ARPP21: variants seen among roughly 807,000 people sequenced by gnomAD.
The protein encoded by ARPP21 is cAMP-regulated phosphoprotein 21.
In ARPP21, 69 loss-of-function variants were observed where a neutral mutation model predicts 113.2. The ratio of observed to expected loss-of-function variants is 0.61; its 90% CI spans 0.50 to 0.74. The LOEUF (loss-of-function observed/expected upper bound fraction) is 0.74. Ranked by LOEUF, ARPP21 falls within the 30% of genes least tolerant of loss-of-function variation. The pLI is 0.00. For missense variants in ARPP21, 1,070 were observed against 1,037.4 expected (o/e 1.03, Z -0.43); for synonymous variants, 368 against 375.5 (o/e 0.98, Z 0.23).
intron 11 of ARPP21, among the ~76,000 whole-genome samples, chr3:35,711,135 T>C (rs369873206): frequency 1.1e-4 from 17 of 152,316 alleles, no homozygotes; most frequent in East Asian, 9.7e-4. Flanking sequence ...GCCTCCCTAG[T>C]GGCCAGCTCT....
intron 1 of ARPP21, among the ~76,000 whole-genome samples, chr3:35,665,979 G>A (rs1188914266): frequency 1.3e-5 from 2 of 152,044 alleles, no homozygotes; most frequent in African/African-American, 2.4e-5. Flanking sequence ...ACTGTATGAT[G>A]GCTCAACTGG....
At chr3:35,709,241 A>T (rs1378235771) in intron 11 of ARPP21, among the ~76,000 whole-genome samples, 171 bp downstream of exon 11, 1 of 152,202 alleles carries the variant, frequency 6.6e-6, no homozygotes, top group Non-Finnish European at 1.5e-5. Context: ...CAGGGAAGTG[A>T]TAGAAACCTA....
intron 9 of ARPP21, among the ~76,000 whole-genome samples, chr3:35,694,438 C>A (rs1327983672): frequency 1.3e-5 from 2 of 151,208 alleles, no homozygotes; most frequent in African/African-American, 4.8e-5. Context: ...TAATAATATA[C>A]ATTTTCATGA....
At chr3:35,695,848 G>A (rs768248812) in intron 9 of ARPP21, among the ~76,000 whole-genome samples, 3 of 151,450 alleles carry the variant, frequency 2.0e-5, no homozygotes, top group African/African-American at 7.3e-5. Flanking sequence ...CTAATGAAAA[G>A]GATTTTTTAA....
At chr3:35,767,396 A>G (rs1009932404) in intron 19 of ARPP21, among the ~76,000 whole-genome samples, 3 of 152,178 alleles carry the variant, frequency 2.0e-5, no homozygotes, top group African/African-American at 7.2e-5. Context: ...TCTCTTCACC[A>G]TGATGGACAA....
intron 20 of ARPP21, among the ~76,000 whole-genome samples, 178 bp from the exon 21 acceptor site, chr3:35,793,523 G>T (rs1405127215): frequency 1.3e-5 from 2 of 152,174 alleles, no homozygotes; most frequent in Non-Finnish European, 2.9e-5. Context: ...ATGGACTAGG[G>T]AATTAGAGAG....
chr3:35,722,648 G>A (rs2093203532), intron 14 of ARPP21, among the ~76,000 whole-genome samples: 1 of 152,128 alleles, frequency 6.6e-6, no homozygotes, highest in South Asian at 2.1e-4. Context: ...AGCAAATAAC[G>A]ATATTCTGAG....
intron 19 of ARPP21, among the ~76,000 whole-genome samples, chr3:35,777,905 G>A (rs549821024): frequency 1.8e-4 from 27 of 152,164 alleles, no homozygotes; most frequent in Admixed American, 1.2e-3. Flanking sequence ...CCCTACAAAC[G>A]TTGCCATTTC....
At chr3:35,712,692 G>A (rs2091534144) in intron 11 of ARPP21, among the ~76,000 whole-genome samples, 1 of 151,952 alleles carries the variant, frequency 6.6e-6, no homozygotes, top group South Asian at 2.1e-4. Flanking sequence ...GAGATTTTGA[G>A]ATAAGACAAA....
intron 19 of ARPP21, chr3:35,792,136 T>G: frequency 2.6e-6 from 1 of 388,714 alleles, no homozygotes; most frequent in Non-Finnish European, 4.6e-6. Flanking sequence ...CATTGTCACA[T>G]GTATTCAATA....
chr3:35,657,175 C>T (rs207463107), intron 1 of ARPP21, among the ~76,000 whole-genome samples: 7 of 152,046 alleles, frequency 4.6e-5, no homozygotes, highest in African/African-American at 1.7e-4. Flanking sequence ...GTTTATTCCT[C>T]TCATTTAGAC....
At chr3:35,696,898 T>C (rs1289152728) in intron 9 of ARPP21, among the ~76,000 whole-genome samples, 2 of 151,614 alleles carry the variant, frequency 1.3e-5, no homozygotes, top group Non-Finnish European at 3.0e-5. Flanking sequence ...TCTCTTTTAC[T>C]CATTTTCTGT....
chr3:35,749,431 CAAAAAAA>C (rs61007987), intron 19 of ARPP21, among the ~76,000 whole-genome samples: 3 of 100,784 alleles, frequency 3.0e-5, no homozygotes, highest in Admixed American at 1.2e-4. Flanking sequence ...TTCCTAAAAG[CAAAAAAA>C]AAAAAAAAAA....
At chr3:35,639,465 C>A (rs1019240551), upstream of ARPP21, 4 of 152,260 alleles carry the variant, frequency 2.6e-5, no homozygotes, top group African/African-American at 9.7e-5. The surrounding 1 kb of genome is among the most constrained non-coding windows in gnomAD (Gnocchi z 5.0). Context: ...GGGGAGGAGC[C>A]GGGCGCCGCC....
chr3:35,741,479 T>C (rs2094653720), intron 18 of ARPP21, among the ~76,000 whole-genome samples: 1 of 152,216 alleles, frequency 6.6e-6, no homozygotes, highest in Non-Finnish European at 1.5e-5. Flanking sequence ...TGTGGAAATA[T>C]GTTAAATTTC....
rs1262199513 is a variant in ARPP21, at chr3:35,667,891, G to GAAGAAGAAGAA, written c.-212-11896_-212-11895insAAGAAGAAGAA. On this transcript the variant is annotated intron_variant, in intron 1 of 20. Transcript: ENST00000684406. Reference sequence around the variant, plus strand: ...AAGAAGAAGAAGAAGAAGAAGAAGAGGAAGAGGAAGAGGAAGAGGAAGGAG... The same window carrying GAAGAAGAAGAA: ...AAGAAGAAGAAGAAGAAGAAGAAGAGAAGAAGAAGAAGAAGAGGAAGAGGAAGAGGAAGGAG... 8.6e-3 allele frequency among the ~76,000 whole-genome samples: 614 copies of GAAGAAGAAGAA among 71,078 alleles called. 9 individuals carry two copies. Among genetic ancestry groups the GAAGAAGAAGAA allele is most frequent in the South Asian group, 0.015 (30 of 2,024 alleles). 46.6% of individuals were successfully genotyped at this position (71,078 alleles called of 152,430 possible).
intron 9 of ARPP21, among the ~76,000 whole-genome samples, chr3:35,694,216 A>G (rs778900560): frequency 2.0e-5 from 3 of 151,588 alleles, no homozygotes; most frequent in Admixed American, 6.6e-5. Flanking sequence ...CAAAATATTC[A>G]GATCATAACA....
At chr3:35,744,845 A>G (rs2094919796) in intron 19 of ARPP21, among the ~76,000 whole-genome samples, 1 of 152,234 alleles carries the variant, frequency 6.6e-6, no homozygotes, top group Non-Finnish European at 1.5e-5. Context: ...TGTATGTAAT[A>G]TATACACAAT....
intron 13 of ARPP21, among the ~76,000 whole-genome samples, chr3:35,720,936 G>A (rs750033172): frequency 6.6e-6 from 1 of 152,094 alleles, no homozygotes; most frequent in African/African-American, 2.4e-5. Context: ...TTACACTGTT[G>A]TTATTTTCAA....
Sources: gnomAD v4.1 joint callset for allele counts (sites outside exome capture counted in the v4.1 genomes callset) on GRCh38, gnomAD v4.1.1 for gene constraint, Gnocchi (gnomAD v3.1) non-coding constraint, MANE v1.5 for transcripts, NCBI Gene and HGNC (gene_info 2026-07-23, HGNC 2026-07-21) for gene names.